Variants in RAB6B observed in about 807,000 individuals in gnomAD.
RAB6B encodes the protein RAB6B, member RAS oncogene family.
Under a neutral mutation model 31.2 loss-of-function variants are expected in RAB6B, and 7 were observed. The ratio of observed to expected loss-of-function variants is 0.22; its 90% CI spans 0.13 to 0.42. RAB6B has a LOEUF of 0.42. Among genes scored for constraint, RAB6B ranks in the 10% least tolerant of loss-of-function variants. RAB6B has a pLI of 1.00. For synonymous variants in RAB6B, 105 were observed against 104.9 expected, an observed-to-expected ratio of 1.00 and a Z score of -0.01; for missense variants, 149 against 280.6, an observed-to-expected ratio of 0.53 and a Z score of 3.35.
chr3:133,857,007 G>T (rs866944198), intron 2 of RAB6B, among the ~76,000 whole-genome samples: 1 of 152,174 alleles, frequency 6.6e-6, no homozygotes, highest in Non-Finnish European at 1.5e-5. Flanking sequence ...TGCTCTGCCC[G>T]AAGTCTATGG....
In RAB6B at chr3:133,838,199, C is replaced by A; in HGVS notation, c.462G>T (p.Glu154Asp). The change falls in exon 6 of 8, where the codon GAG becomes GAT. Residue 154 changes from glutamate (E) to aspartate (D), a missense_variant. Glu to Asp is a conservative substitution (Grantham distance 45). Coordinates refer to ENST00000285208, the MANE Select transcript of RAB6B (RefSeq NM_016577.4). ...CGTTGTAGCCAGTCTTCGCACTGGT[C>A]TCAATGAACATGACGCTCAGTTCTT... ...RAKELSVMFI[E>D]TSAKTGYNVK... 1.9e-6 allele frequency: 3 copies of A among 1,614,218 alleles called. No homozygotes were observed. Among genetic ancestry groups the A allele is most frequent in the Non-Finnish European group, 2.5e-6 (3 of 1,180,028 alleles).
chr3:133,880,238 A>G (rs1936447496), intron 1 of RAB6B, among the ~76,000 whole-genome samples: 1 of 152,212 alleles, frequency 6.6e-6, no homozygotes, highest in South Asian at 2.1e-4. Flanking sequence ...ATGCTTTAAT[A>G]CCCAAGGCTT....
intron 2 of RAB6B, among the ~76,000 whole-genome samples, chr3:133,857,166 A>G (rs1936092381): frequency 6.6e-6 from 1 of 152,150 alleles, no homozygotes; most frequent in Admixed American, 6.5e-5. Context: ...GCACATTTCT[A>G]TCAACAGTGG....
In RAB6B at chr3:133,824,580, T is replaced by C. The variant is rs1935526899; in HGVS notation, c.*4208A>G. The C allele has an allele frequency of 6.6e-6, 1 of 151,694 alleles. No individual in the cohort carries two copies. The highest frequency in any genetic ancestry group is 1.9e-4 in the East Asian group (1 of 5,174). The allele number at this position is 151,694 out of a possible 1,614,324, so 9.4% of individuals were successfully genotyped here. On this transcript the variant is annotated 3_prime_UTR_variant, in exon 8 of 8. Transcript: ENST00000285208. ...AGACAGGGGTCTGGAGTCCAAGGAG[T>C]TTGCACATTGAGATCCCAAGGTTTT...
At chr3:133,872,717 T>C (rs1705694096) in intron 1 of RAB6B, among the ~76,000 whole-genome samples, 2 of 152,214 alleles carry the variant, frequency 1.3e-5, no homozygotes, top group South Asian at 4.1e-4. Context: ...CACCGTAGGC[T>C]AAATGAGGAA....
intron 2 of RAB6B, among the ~76,000 whole-genome samples, chr3:133,857,814 G>A (rs995993287): frequency 7.2e-5 from 11 of 152,128 alleles, no homozygotes; most frequent in African/African-American, 1.4e-4. Flanking sequence ...AACCTGGGGC[G>A]CATTCAGGCC....
At chr3:133,850,776 C>T (rs1310328231) in intron 2 of RAB6B, among the ~76,000 whole-genome samples, 6 of 151,776 alleles carry the variant, frequency 4.0e-5, no homozygotes, top group Non-Finnish European at 5.9e-5. Flanking sequence ...CAAAATGAGA[C>T]ACATTTACAG....
At chr3:133,844,925 A>G (rs371486262) in intron 2 of RAB6B, among the ~76,000 whole-genome samples, 16 of 146,998 alleles carry the variant, frequency 1.1e-4, no homozygotes, top group Non-Finnish European at 1.8e-4. Context: ...GCTGGTCAAC[A>G]GAGCAAGACC....
chr3:133,881,789 TC>T (rs1164944003), intron 1 of RAB6B, among the ~76,000 whole-genome samples: 1 of 152,162 alleles, frequency 6.6e-6, no homozygotes, highest in Non-Finnish European at 1.5e-5. Context: ...ACCTGACAGG[TC>T]TCAGCTCCTC....
At chr3:133,834,553 A>C in intron 7 of RAB6B, 22 bp downstream of exon 7, 1 of 1,598,430 alleles carries the variant, frequency 6.3e-7, no homozygotes, top group Non-Finnish European at 8.6e-7. Flanking sequence ...CTTTTCACTC[A>C]CTTGTCAAAG....
At chr3:133,840,882 G>A (rs1935816070) in intron 4 of RAB6B, among the ~76,000 whole-genome samples, 1 of 152,190 alleles carries the variant, frequency 6.6e-6, no homozygotes, top group South Asian at 2.1e-4. Context: ...GCCGGGGTTG[G>A]CCTAGGGACC....
chr3:133,837,069 G>A (rs996635293), intron 6 of RAB6B, among the ~76,000 whole-genome samples: 1 of 151,920 alleles, frequency 6.6e-6, no homozygotes, highest in African/African-American at 2.4e-5. Context: ...CTCACCCAGA[G>A]TCCCCTCCCC....
chr3:133,889,387 G>C (rs1222086886), intron 1 of RAB6B, among the ~76,000 whole-genome samples: 4 of 62,822 alleles, frequency 6.4e-5, no homozygotes, highest in Non-Finnish European at 8.9e-5. Context: ...AGGTTATTTT[G>C]TTATATATAT....
chr3:133,890,299 C>G (rs927276959), intron 1 of RAB6B, among the ~76,000 whole-genome samples: 1 of 152,014 alleles, frequency 6.6e-6, no homozygotes, highest in East Asian at 1.9e-4. Context: ...TTGTGAGTTG[C>G]GCATGACCAA....
intron 1 of RAB6B, among the ~76,000 whole-genome samples, chr3:133,877,141 A>C (rs1936408264): frequency 6.6e-6 from 1 of 152,204 alleles, no homozygotes; most frequent in African/African-American, 2.4e-5. Flanking sequence ...ACCCAGGTGA[A>C]ACCCACTGGA....
Position 133,895,773 on chromosome 3 carries a change from C to A in RAB6B, c.-307G>T, listed in dbSNP as rs1282057998. The A allele has an allele frequency of 1.6e-5, 6 of 374,556 alleles. No homozygotes were observed. The highest frequency in any genetic ancestry group is 2.8e-5 in the Non-Finnish European group (6 of 211,098). 23.2% of individuals were successfully genotyped at this position (374,556 alleles called of 1,614,324 possible). On this transcript the variant is annotated 5_prime_UTR_variant, in exon 1 of 8. Transcript: ENST00000285208. Reference sequence around the variant, plus strand: ...CCGAGGCGCGGCGCTGGGAGAGAGGCGCGGGCGGAGCGGGGCGCAGGGACG... The same window carrying A: ...CCGAGGCGCGGCGCTGGGAGAGAGGAGCGGGCGGAGCGGGGCGCAGGGACG...
intron 1 of RAB6B, among the ~76,000 whole-genome samples, chr3:133,880,770 G>A (rs1312974874): frequency 6.6e-6 from 1 of 151,594 alleles, no homozygotes; most frequent in Admixed American, 6.6e-5. Context: ...GAGCCAGGTG[G>A]TGAGGGGAGC....
At chr3:133,830,161 C>A (rs1387734386) in intron 7 of RAB6B, among the ~76,000 whole-genome samples, 1 of 152,244 alleles carries the variant, frequency 6.6e-6, no homozygotes, top group African/African-American at 2.4e-5. Flanking sequence ...AGCTGCAGTT[C>A]TATGGCCCAT....
At chr3:133,839,443 G>A (rs1935788099) in intron 5 of RAB6B, 63 bp downstream of exon 5, 3 of 1,399,028 alleles carry the variant, frequency 2.1e-6, no homozygotes, top group African/African-American at 1.4e-5. Context: ...AGAGCTCCCT[G>A]TCCAGGAGCA....
Sources: gnomAD v4.1 joint callset for allele counts (sites outside exome capture counted in the v4.1 genomes callset) on GRCh38, gnomAD v4.1.1 for gene constraint, MANE v1.5 for transcripts, NCBI Gene and HGNC (gene_info 2026-07-23, HGNC 2026-07-21) for gene names.